Variants in TGFBR3 observed in about 807,000 individuals in gnomAD.
TGFBR3 encodes the protein transforming growth factor beta receptor 3, also known as transforming growth factor beta receptor type 3.
TGFBR3 carries 46 observed loss-of-function variants against 87.9 expected under a neutral mutation model. That is an observed-to-expected ratio of 0.52 (90% CI 0.41 to 0.67). The LOEUF (loss-of-function observed/expected upper bound fraction) is 0.67. Ranked by LOEUF, TGFBR3 falls within the 30% of genes least tolerant of loss-of-function variation. The probability of loss-of-function intolerance (pLI) is 0.00; values close to 1 mark genes in which losing one functional copy is unlikely to be tolerated. For missense variants in TGFBR3, 866 were observed against 1,041.9 expected (o/e 0.83, Z 2.32); for synonymous variants, 381 against 391.6 (o/e 0.97, Z 0.32).
intron 2 of TGFBR3, among the ~76,000 whole-genome samples, chr1:91,803,616 T>C (rs995273189): frequency 6.6e-6 from 1 of 152,194 alleles, no homozygotes; most frequent in Non-Finnish European, 1.5e-5. Context: ...TTTCTGACAT[T>C]TGTAGCTTAA....
intron 2 of TGFBR3, among the ~76,000 whole-genome samples, chr1:91,897,087 T>C (rs1434897391): frequency 2.0e-5 from 3 of 152,216 alleles, no homozygotes; most frequent in Non-Finnish European, 2.9e-5. Context: ...TACACTTATA[T>C]ACTTGCCTGG....
At chr1:91,857,444 C>G (rs1049324162) in intron 2 of TGFBR3, among the ~76,000 whole-genome samples, 1 of 152,130 alleles carries the variant, frequency 6.6e-6, no homozygotes, top group African/African-American at 2.4e-5. Flanking sequence ...CCTCCTTCTT[C>G]CTAGATTCTG....
chr1:91,716,402 T>C lies in TGFBR3; in HGVS notation c.1708-8A>G. The C allele has an allele frequency of 6.2e-7, 1 of 1,614,098 alleles. No homozygotes were observed. The highest frequency in any genetic ancestry group is 1.7e-4 in the Middle Eastern group (1 of 6,060). On this transcript the variant is annotated splice_polypyrimidine_tract_variant and splice_region_variant and intron_variant, in intron 11 of 16. Coordinates refer to ENST00000212355, the MANE Select transcript of TGFBR3 (RefSeq NM_003243.5). Reference sequence around the variant, plus strand: ...CTGAAGGCTGCAATTAAACTGGAAATAACAACCCACAGGAAGATTAATGAC... The same window carrying C: ...CTGAAGGCTGCAATTAAACTGGAAACAACAACCCACAGGAAGATTAATGAC...
intron 16 of TGFBR3, among the ~76,000 whole-genome samples, chr1:91,687,916 C>T (rs547777556): frequency 2.0e-5 from 3 of 152,272 alleles, no homozygotes; most frequent in South Asian, 2.1e-4. Flanking sequence ...TCTAGATCTA[C>T]GTGTTGGATG....
intron 14 of TGFBR3, 49 bp from the exon 15 acceptor site, chr1:91,698,179 T>C: frequency 6.6e-7 from 1 of 1,509,056 alleles, no homozygotes; most frequent in Non-Finnish European, 9.2e-7. Flanking sequence ...AACCAAGATT[T>C]AAGCAAAGGG....
rs756287300 is a variant in TGFBR3 at position 91,720,255 on chromosome 1, T to C, written c.1076-25A>G. 4 of 1,554,698 alleles carry C rather than the reference T, an allele frequency of 2.6e-6. 1 individual carries two copies. The South Asian group carries it at 4.7e-5, about 18-fold the overall frequency. On this transcript the variant is annotated intron_variant, in intron 8 of 16. Transcript: ENST00000212355. ...GCTGGTGAAAGAAGAAGGCAAAACA[T>C]CAGCAGTGTTTGATGCCAGGCCACA...
chr1:91,762,067 T>C (rs1044275861), intron 3 of TGFBR3, among the ~76,000 whole-genome samples: 1 of 152,176 alleles, frequency 6.6e-6, no homozygotes, highest in Non-Finnish European at 1.5e-5. Context: ...GTCTATGGGC[T>C]GATAAGTAAT....
chr1:91,730,103 C>G (rs1274868921), intron 5 of TGFBR3, 130 bp from the exon 6 acceptor site: 58 of 1,060,582 alleles, frequency 5.5e-5, no homozygotes, highest in Non-Finnish European at 5.1e-5. Flanking sequence ...GATGGTTCTT[C>G]GTCTGTGAAG....
chr1:91,828,302 G>C (rs1056063527), intron 2 of TGFBR3, among the ~76,000 whole-genome samples: 1 of 152,056 alleles, frequency 6.6e-6, no homozygotes, highest in African/African-American at 2.4e-5. Context: ...CCACACCCCC[G>C]TCAATATTTT....
At chr1:91,766,430 A>C (rs1485616470) in intron 3 of TGFBR3, 1 of 152,096 alleles carries the variant, frequency 6.6e-6, no homozygotes, top group Non-Finnish European at 1.5e-5. Flanking sequence ...CTTTACCAAC[A>C]ACAGAATGTT....
chr1:91,869,293 A>G (rs1483090895), intron 1 of TGFBR3, among the ~76,000 whole-genome samples: 1 of 152,160 alleles, frequency 6.6e-6, no homozygotes, highest in African/African-American at 2.4e-5. Flanking sequence ...CAGTCTACCT[A>G]CACTTGGCTG....
At chr1:91,831,032 A>G (rs756413452) in intron 2 of TGFBR3, among the ~76,000 whole-genome samples, 1 of 152,030 alleles carries the variant, frequency 6.6e-6, no homozygotes, top group Non-Finnish European at 1.5e-5. Flanking sequence ...AATCATCACC[A>G]TTGTGTTTCC....
intron 1 of TGFBR3, among the ~76,000 whole-genome samples, chr1:91,881,487 A>C (rs1018683810): frequency 6.6e-6 from 1 of 152,220 alleles, no homozygotes; most frequent in Admixed American, 6.5e-5. Context: ...GCACTGAATA[A>C]GGACAATTAA....
At chr1:91,810,779 C>T (rs1191187313) in intron 2 of TGFBR3, among the ~76,000 whole-genome samples, 1 of 152,304 alleles carries the variant, frequency 6.6e-6, no homozygotes, top group Non-Finnish European at 1.5e-5. Flanking sequence ...GGGATAATAA[C>T]AGGATCTGCC....
At chr1:91,723,669 G>C (rs1672452990) in intron 7 of TGFBR3, among the ~76,000 whole-genome samples, 2 of 150,760 alleles carry the variant, frequency 1.3e-5, no homozygotes, top group Admixed American at 1.3e-4. Context: ...CTTCTCAGAG[G>C]GTGAGAGAGC....
At chr1:91,702,187 G>A (rs2100733638) in intron 14 of TGFBR3, among the ~76,000 whole-genome samples, 1 of 152,304 alleles carries the variant, frequency 6.6e-6, no homozygotes, top group Admixed American at 6.5e-5. Context: ...TACTGAGATT[G>A]AGAAACTTTG....
intron 2 of TGFBR3, among the ~76,000 whole-genome samples, chr1:91,837,388 G>A (rs1020518814): frequency 6.6e-6 from 1 of 152,078 alleles, no homozygotes; most frequent in Non-Finnish European, 1.5e-5. Context: ...TGGGATTACA[G>A]GCATGCACCA....
chr1:91,721,930 A>G lies in TGFBR3; in HGVS notation c.1075+25T>C, dbSNP rs374670033. 3.7e-6 allele frequency: 6 copies of G among 1,607,614 alleles called. No individual in the cohort carries two copies. In the African/African-American group the frequency reaches 6.7e-5, roughly 18 times the overall value. ...GCTTCATTTGGGGGGTATTTTTTACATAACTTAAAAAACTTCTAACTTACC... is the reference window on the plus strand; with the variant it reads ...GCTTCATTTGGGGGGTATTTTTTACGTAACTTAAAAAACTTCTAACTTACC... On this transcript the variant is annotated intron_variant, in intron 8 of 16. Transcript: ENST00000212355.
At chr1:91,901,942 G>GAAA (rs200556745) in intron 1 of TGFBR3, among the ~76,000 whole-genome samples, 4 of 121,982 alleles carry the variant, frequency 3.3e-5, no homozygotes, top group Admixed American at 8.4e-5. Flanking sequence ...CCCACCAAAA[G>GAAA]AAAAAAAAAA....
Sources: gnomAD v4.1 joint callset for allele counts (sites outside exome capture counted in the v4.1 genomes callset) on GRCh38, gnomAD v4.1.1 for gene constraint, MANE v1.5 for transcripts, NCBI Gene and HGNC (gene_info 2026-07-23, HGNC 2026-07-21) for gene names.